The following CEBPZ variants were observed in gnomAD, a reference collection of about 807,000 sequenced individuals.
CEBPZ encodes CCAAT/enhancer-binding protein zeta.
In CEBPZ, 78 loss-of-function variants were observed where a neutral mutation model predicts 104.5. The ratio of observed to expected loss-of-function variants is 0.75; its 90% CI spans 0.62 to 0.90. The LOEUF is 0.90. Ranked by LOEUF, CEBPZ falls within the 40% of genes least tolerant of loss-of-function variation. CEBPZ has a pLI of 0.00. For missense variants in CEBPZ, 1,439 were observed against 1,233.5 expected, an observed-to-expected ratio of 1.17 and a Z score of -2.50; for synonymous variants, 470 against 427.0, an observed-to-expected ratio of 1.10 and a Z score of -1.24.
intron 13 of CEBPZ, among the ~76,000 whole-genome samples, chr2:37,208,478 G>C (rs962093425): frequency 6.6e-6 from 1 of 151,986 alleles, no homozygotes; most frequent in African/African-American, 2.4e-5. Context: ...AGGGATATAG[G>C]GCTGGTTTAA....
intron 15 of CEBPZ, chr2:37,202,172 C>A: frequency 3.7e-6 from 1 of 268,556 alleles, no homozygotes. Flanking sequence ...GAAATAAAAA[C>A]CAGTAACAAT....
Position 37,227,527 on chromosome 2 carries a change from G to A in CEBPZ, c.1649+17C>T. 2 of 1,568,686 alleles carry A rather than the reference G, an allele frequency of 1.3e-6. No homozygotes were observed. The highest frequency in any genetic ancestry group is 1.7e-6 in the Non-Finnish European group (2 of 1,158,798). ...AGTTATTATTTCATGTCTCATATTG[G>A]AAGGGTATGTTCTTACCTGTATAAT... On this transcript the variant is annotated intron_variant, in intron 2 of 15. Transcript: ENST00000234170.
At chr2:37,223,773 T>G (rs1212773530) in intron 2 of CEBPZ, among the ~76,000 whole-genome samples, 1 of 152,166 alleles carries the variant, frequency 6.6e-6, no homozygotes, top group African/African-American at 2.4e-5. Context: ...AGCAGAACAT[T>G]AGAAGATTTG....
intron 5 of CEBPZ, among the ~76,000 whole-genome samples, chr2:37,219,710 T>C (rs934978500): frequency 2.0e-5 from 3 of 152,210 alleles, no homozygotes; most frequent in East Asian, 1.9e-4. Context: ...TTATTAAAAA[T>C]ATGAATTCCT....
chr2:37,222,680 T>A (rs963086533), intron 3 of CEBPZ, 117 bp from the exon 4 acceptor site: 8 of 654,894 alleles, frequency 1.2e-5, no homozygotes, highest in Admixed American at 3.6e-5. Flanking sequence ...AACGTGAAAG[T>A]TCTAATAAAG....
At chr2:37,208,403 C>A (rs982228832) in intron 13 of CEBPZ, among the ~76,000 whole-genome samples, 6 of 152,142 alleles carry the variant, frequency 3.9e-5, no homozygotes, top group African/African-American at 1.4e-4. Flanking sequence ...CAACAAAATA[C>A]TAGCTAACCA....
At position 37,217,001 on chromosome 2, in the gene CEBPZ, CAA is replaced by C; in HGVS notation, c.2189_2190del (p.Phe730CysfsTer38). On this transcript the variant is annotated frameshift_variant, in exon 6 of 16. Coordinates refer to ENST00000234170, the MANE Select transcript of CEBPZ (RefSeq NM_005760.3). LOFTEE classifies it high-confidence loss of function. ...AGACTCACCTGAAGGATGGTCTTTG[CAA>C]AAAGGGCCACGGAGGGATGAAAATG... ...SVHFHPSVAL[F>X]AKTILQGNYI... The C allele has an allele frequency of 6.2e-7, 1 of 1,612,372 alleles. No homozygotes were observed. The highest frequency in any genetic ancestry group is 8.5e-7 in the Non-Finnish European group (1 of 1,178,860).
chr2:37,223,458 G>T, intron 2 of CEBPZ, 57 bp from the exon 3 acceptor site: 1 of 1,443,168 alleles, frequency 6.9e-7, no homozygotes, highest in Non-Finnish European at 9.7e-7. Context: ...CACAACCAAT[G>T]GTCACATATT....
intron 2 of CEBPZ, among the ~76,000 whole-genome samples, chr2:37,224,256 CATG>C (rs1664831832): frequency 6.6e-6 from 1 of 152,184 alleles, no homozygotes. Context: ...ACTTTGATCT[CATG>C]ATACTTTAAA....
At position 37,231,470 on chromosome 2, in the gene CEBPZ, G is replaced by A. The variant is rs757257659; in HGVS notation, c.98C>T (p.Thr33Ile). The change falls in exon 1 of 16, where the codon ACT becomes ATT. Residue 33 changes from threonine (T) to isoleucine (I), a missense_variant. By Grantham distance (89) the Thr-to-Ile change is moderately conservative. Transcript: ENST00000234170. ...GGAGAACCCATTCTCGGCTTCACTA[G>A]TATTATCCTCATCCTCCTCGTCCGG... ...EDPDEEDEDN[T>I]SEAENGFSLE... The A allele has an allele frequency of 3.7e-6, 6 of 1,614,108 alleles. No homozygotes were observed. The highest frequency in any genetic ancestry group is 1.1e-5 in the South Asian group (1 of 91,090).
Position 37,201,770 on chromosome 2 carries a change from C to T in CEBPZ, c.3159G>A (p.Arg1053=), listed in dbSNP as rs758668583. Residue 1053 remains arginine (R), a synonymous_variant, in exon 16 of 16, where the codon AGG becomes AGA. Transcript: ENST00000234170. ...TATAATTTACATTAATAACTCATTT[C>T]CTTTGTTTTTTAGTTTTTTGAGTGG... ...IKTTQKTKKQ[R]K 2.8e-6 allele frequency: 4 copies of T among 1,406,192 alleles called. No individual in the cohort carries two copies. The highest frequency in any genetic ancestry group is 2.3e-5 in the South Asian group (2 of 85,776). 87.1% of individuals were successfully genotyped at this position (1,406,192 alleles called of 1,614,324 possible). A position where few individuals can be genotyped will look rare whatever the true frequency, so the allele number is the denominator to read the frequency against.
chr2:37,211,167 T>C (rs1484316492), intron 12 of CEBPZ, 85 bp from the exon 13 acceptor site: 5 of 896,032 alleles, frequency 5.6e-6, no homozygotes, highest in Non-Finnish European at 8.7e-6. Flanking sequence ...AAAATCTTTA[T>C]TCTGATGGTA....
At position 37,227,752 on chromosome 2, in the gene CEBPZ, T is replaced by C. The variant is rs781105787; in HGVS notation, c.1441A>G (p.Lys481Glu). 4 of 1,613,974 alleles carry C rather than the reference T, an allele frequency of 2.5e-6. No homozygotes were observed. The South Asian group carries it at 4.4e-5, about 18-fold the overall frequency. The change falls in exon 2 of 16, where the codon AAA becomes GAA. Residue 481 changes from lysine to glutamate, a missense_variant. By Grantham distance (56) the Lys-to-Glu change is moderately conservative. Transcript: ENST00000234170. Reference sequence around the variant, plus strand: ...CCTGTTAAAAGGGCGCTAAGCATTTTTGATTCAACATCTTTTTTTTTGACA... The same window carrying C: ...CCTGTTAAAAGGGCGCTAAGCATTTCTGATTCAACATCTTTTTTTTTGACA... ...TCVKKKDVES[K>E]MLSALLTGVN...
At chr2:37,207,452 C>G (rs1160873669) in intron 13 of CEBPZ, among the ~76,000 whole-genome samples, 1 of 152,150 alleles carries the variant, frequency 6.6e-6, no homozygotes, top group East Asian at 1.9e-4. Context: ...GTATCAAGTA[C>G]CCTCTCACAC....
At chr2:37,219,621 AACTCTTAGTGGTCTGGCCGC>A (rs1664716656) in intron 5 of CEBPZ, among the ~76,000 whole-genome samples, 5 of 152,286 alleles carry the variant, frequency 3.3e-5, no homozygotes, top group African/African-American at 1.2e-4. Flanking sequence ...AGGTATCAGG[AACTCTTAGTGGTCTGGCCGC>A]ACTTTGAGAA....
chr2:37,223,471 A>C (rs1004761153), intron 2 of CEBPZ, 70 bp from the exon 3 acceptor site: 3 of 1,311,042 alleles, frequency 2.3e-6, no homozygotes, highest in Non-Finnish European at 3.3e-6. Flanking sequence ...CACATATTAG[A>C]AATAGCTACT....
rs1677748817 is a variant in CEBPZ at position 37,212,355 on chromosome 2, C to A, written c.2583G>T (p.Lys861Asn). 6.2e-7 allele frequency: 1 copy of A among 1,613,458 alleles called. No homozygotes were observed. Among genetic ancestry groups the A allele is most frequent in the African/African-American group, 1.3e-5 (1 of 74,906 alleles). ...FEDDNCFSSG[K>N]DDMDFAGNVK... is the part of the protein sequence containing the mutation. ...GTTACCCAGCAAAATCCATATCATC[C>A]TTTCCAGAGCTGAAACAGTTATCAT... Residue 861 changes from lysine (K) to asparagine (N), a missense_variant, in exon 11 of 16, where the codon AAG becomes AAT. Lys to Asn is a moderately conservative substitution (Grantham distance 94). Transcript: ENST00000234170.
chr2:37,224,221 A>G (rs1259115373), intron 2 of CEBPZ, among the ~76,000 whole-genome samples: 1 of 152,116 alleles, frequency 6.6e-6, no homozygotes, highest in Non-Finnish European at 1.5e-5. Flanking sequence ...TCTCTCCCTA[A>G]TGTCTGTCTT....
chr2:37,223,119 ACCAATATATTT>A (rs1553351617), intron 3 of CEBPZ, 40 bp downstream of exon 3: 1 of 1,453,190 alleles, frequency 6.9e-7, no homozygotes, highest in African/African-American at 1.4e-5. Flanking sequence ...CAAAACAAAA[ACCAATATATTT>A]CAGCACCCAC....
Sources: allele counts gnomAD v4.1 joint callset (sites outside exome capture counted in the v4.1 genomes callset), GRCh38; gene constraint gnomAD v4.1.1; transcripts MANE v1.5; gene names NCBI Gene and HGNC (gene_info 2026-07-23, HGNC 2026-07-21).